TOR1AIP1: variants seen among roughly 807,000 people sequenced by gnomAD.
The protein encoded by TOR1AIP1 is torsin-1A-interacting protein 1.
TOR1AIP1 carries 54 observed loss-of-function variants against 63.3 expected under a neutral mutation model. The ratio of observed to expected loss-of-function variants is 0.85; its 90% confidence interval spans 0.69 to 1.07. The LOEUF is 1.07. Among genes scored for constraint, TOR1AIP1 ranks in the 50% least tolerant of loss-of-function variants. The pLI is 0.00. For synonymous variants in TOR1AIP1, 294 were observed against 273.5 expected, an observed-to-expected ratio of 1.07 and a Z score of -0.74; for missense variants, 736 against 715.0, an observed-to-expected ratio of 1.03 and a Z score of -0.33.
intron 8 of TOR1AIP1, among the ~76,000 whole-genome samples, 159 bp from the exon 9 acceptor site, chr1:179,913,839 C>T (rs142136515): frequency 1.2e-3 from 188 of 152,328 alleles, no homozygotes; most frequent in South Asian, 0.011. Flanking sequence ...AGCTCTCAGT[C>T]TAATCGGCAC....
chr1:179,886,443 C>T (rs1647910507), intron 2 of TOR1AIP1, among the ~76,000 whole-genome samples: 2 of 152,324 alleles, frequency 1.3e-5, no homozygotes, highest in East Asian at 1.9e-4. Context: ...GTTACTCACT[C>T]ATCTTGAGCC....
At chr1:179,906,985 C>T (rs1283633225) in intron 6 of TOR1AIP1, among the ~76,000 whole-genome samples, 2 of 151,748 alleles carry the variant, frequency 1.3e-5, no homozygotes, top group African/African-American at 4.8e-5. Flanking sequence ...GATCCACCTG[C>T]CTTGGCCTCC....
At chr1:179,907,281 T>C (rs1648670472) in intron 6 of TOR1AIP1, among the ~76,000 whole-genome samples, 1 of 151,318 alleles carries the variant, frequency 6.6e-6, no homozygotes, top group African/African-American at 2.4e-5. Context: ...ACAAAAAATT[T>C]GGTCAGGCAT....
At chr1:179,909,239 A>G (rs1461701808) in intron 8 of TOR1AIP1, among the ~76,000 whole-genome samples, 1 of 152,204 alleles carries the variant, frequency 6.6e-6, no homozygotes, top group Non-Finnish European at 1.5e-5. Flanking sequence ...TACAGTCTGT[A>G]TACAATAATG....
Position 179,883,970 on chromosome 1 carries a change from G to A in TOR1AIP1, c.476-722G>A, listed in dbSNP as rs1571720339. The A allele has an allele frequency of 2.3e-5, 5 of 216,980 alleles. No individual in the cohort carries two copies. In the South Asian group the frequency reaches 2.3e-4, roughly 10 times the overall value. The allele number at this position is 216,980 out of a possible 1,614,324, so 13.4% of individuals were successfully genotyped here. On this transcript the variant is annotated intron_variant, in intron 1 of 9. Transcript: ENST00000606911. ...TGGTAGACTATTGATAGGCGGAGGA[G>A]TGGGTTTTCAGCTTAGAGCACGGTG...
At chr1:179,907,788 G>A (rs1648696605) in intron 6 of TOR1AIP1, 35 bp from the exon 7 acceptor site, 1 of 1,518,416 alleles carries the variant, frequency 6.6e-7, no homozygotes, top group South Asian at 1.3e-5. Flanking sequence ...TTATTTTCAA[G>A]TATTCTATGA....
At chr1:179,913,857 TTC>T in intron 8 of TOR1AIP1, 139 bp from the exon 9 acceptor site, 1 of 737,660 alleles carries the variant, frequency 1.4e-6, no homozygotes, top group Non-Finnish European at 2.3e-6. Flanking sequence ...CACTCAGATA[TTC>T]TACTTTTTCT....
rs1648281407 is a variant in TOR1AIP1 at position 179,896,802 on chromosome 1, A to T, written c.611-3324A>T. ...CTTTTATATTACAGACAATACTCTC[A>T]CACTAGCCATAATTCTTTATCTGAG... On this transcript the variant is annotated intron_variant, in intron 3 of 9. Coordinates refer to ENST00000606911, the MANE Select transcript of TOR1AIP1 (RefSeq NM_015602.4). 5.3e-5 allele frequency among the ~76,000 whole-genome samples: 8 copies of T among 152,318 alleles called. No homozygotes were observed. In the South Asian group the frequency reaches 1.5e-3, roughly 28 times the overall value.
chr1:179,883,789 G>A (rs1020757686), intron 1 of TOR1AIP1: 1 of 418,168 alleles, frequency 2.4e-6, no homozygotes, highest in African/African-American at 2.0e-5. Flanking sequence ...GTAAGTCATA[G>A]GTGAATCAGT....
At chr1:179,888,421 A>C (rs1647969980) in intron 2 of TOR1AIP1, among the ~76,000 whole-genome samples, 1 of 152,172 alleles carries the variant, frequency 6.6e-6, no homozygotes, top group South Asian at 2.1e-4. Context: ...TTACAGGCAC[A>C]CACCACTATG....
In TOR1AIP1 at chr1:179,917,668, T is replaced by G. The variant is rs760556703; in HGVS notation, c.1181T>G (p.Leu394Arg). ...CTGTGGAAAAGGAGCCAAACATTCC[T>G]GGAAAAACATCTTAATAGCTCCCAT... ...EKLWKRSQTF[L>R]EKHLNSSHPR... Residue 394 changes from leucine (L) to arginine (R), a missense_variant, in exon 10 of 10, where the codon CTG (leucine) becomes CGG (arginine). By Grantham distance (102) the Leu-to-Arg change is moderately radical. Transcript: ENST00000606911. 5.6e-6 allele frequency: 9 copies of G among 1,614,196 alleles called. No individual in the cohort carries two copies. The highest frequency in any genetic ancestry group is 7.6e-6 in the Non-Finnish European group (9 of 1,180,036).
At position 179,882,308 on chromosome 1, in the gene TOR1AIP1, G is replaced by A. The variant is rs1647725287; in HGVS notation, c.-195G>A. 3 of 492,134 alleles carry A rather than the reference G, an allele frequency of 6.1e-6. No individual in the cohort carries two copies. The highest frequency in any genetic ancestry group is 1.0e-5 in the Non-Finnish European group (3 of 292,490). The allele number at this position is 492,134 out of a possible 1,614,324, so 30.5% of individuals were successfully genotyped here. Reference sequence around the variant, plus strand: ...GCACTGCCTCTCTCACAGCCCTCAAGACACACCATGGGCCCAGAGGCAGGT... The same window carrying A: ...GCACTGCCTCTCTCACAGCCCTCAAAACACACCATGGGCCCAGAGGCAGGT... On this transcript the variant is annotated 5_prime_UTR_variant, in exon 1 of 10. Coordinates refer to ENST00000606911, the MANE Select transcript of TOR1AIP1 (RefSeq NM_015602.4).
rs776887472 is a variant in TOR1AIP1 at position 179,917,797 on chromosome 1, G to A, written c.1310G>A (p.Arg437His). 3.7e-6 allele frequency: 6 copies of A among 1,613,998 alleles called. No homozygotes were observed. Among genetic ancestry groups the A allele is most frequent in the African/African-American group, 2.7e-5 (2 of 74,888 alleles). Residue 437 changes from arginine (R) to histidine (H), a missense_variant, in exon 10 of 10, where the codon CGT (arginine) becomes CAT (histidine). Physicochemically the swap from Arg to His is conservative, Grantham distance 29. Coordinates refer to ENST00000606911, the MANE Select transcript of TOR1AIP1 (RefSeq NM_015602.4). Reference sequence around the variant, plus strand: ...ATTGCTGATGCCTATTCTTCTTTTCGTAGTGTCCGTGCCATCCGGATTGAT... The same window carrying A: ...ATTGCTGATGCCTATTCTTCTTTTCATAGTGTCCGTGCCATCCGGATTGAT... ...EQIADAYSSF[R>H]SVRAIRIDGT...
At chr1:179,889,437 AC>A (rs1558039338) in intron 3 of TOR1AIP1, 68 bp downstream of exon 3, 6 of 1,339,396 alleles carry the variant, frequency 4.5e-6, no homozygotes. Context: ...ATATGGTTGT[AC>A]ATGTATTCAT....
intron 1 of TOR1AIP1, 24 bp from the exon 2 acceptor site, chr1:179,884,668 A>G: frequency 6.3e-7 from 1 of 1,583,004 alleles, no homozygotes; most frequent in Non-Finnish European, 8.6e-7. Context: ...CTGAATTTTA[A>G]CTCTTGTTAT....
chr1:179,895,276 C>T (rs551227113), intron 3 of TOR1AIP1, among the ~76,000 whole-genome samples: 9 of 152,270 alleles, frequency 5.9e-5, no homozygotes, highest in Admixed American at 3.3e-4. Context: ...ATTCTCAAAG[C>T]TTCTGTATGA....
chr1:179,914,261 C>T (rs1285045263), intron 9 of TOR1AIP1, among the ~76,000 whole-genome samples: 1 of 152,186 alleles, frequency 6.6e-6, no homozygotes, highest in African/African-American at 2.4e-5. Context: ...TTGCTCTTCA[C>T]TTAACTGTCT....
intron 5 of TOR1AIP1, among the ~76,000 whole-genome samples, chr1:179,902,339 C>A (rs1220736247): frequency 2.6e-5 from 4 of 151,860 alleles, no homozygotes; most frequent in African/African-American, 9.7e-5. Context: ...AATTCCTATT[C>A]TTTACCTCAT....
rs1350736676 is a variant in TOR1AIP1 at position 179,919,743 on chromosome 1, C to T, written c.*1504C>T. ...TTTGTCATTTACCCTTTGAGAGTTC[C>T]ACAAGTGGTAGTAGAGTGGTTTAAC... On this transcript the variant is annotated 3_prime_UTR_variant, in exon 10 of 10. Transcript: ENST00000606911. 6.6e-6 allele frequency: 1 copy of T among 151,972 alleles called. No homozygotes were observed. The highest frequency in any genetic ancestry group is 6.5e-5 in the Admixed American group (1 of 15,270). The allele number at this position is 151,972 out of a possible 1,614,324, so 9.4% of individuals were successfully genotyped here.
Sources: gnomAD v4.1 joint callset for allele counts (sites outside exome capture counted in the v4.1 genomes callset) on GRCh38, gnomAD v4.1.1 for gene constraint, MANE v1.5 for transcripts, NCBI Gene and HGNC (gene_info 2026-07-23, HGNC 2026-07-21) for gene names.